The following WNK3 variants were observed in gnomAD, a reference collection of about 807,000 sequenced individuals.
WNK3 encodes WNK lysine deficient protein kinase 3, also known as serine/threonine-protein kinase WNK3.
A neutral mutation model predicts 116.7 loss-of-function variants in WNK3; 18 were observed. The ratio of observed to expected loss-of-function variants is 0.15; its 90% confidence interval spans 0.11 to 0.23. WNK3 has a LOEUF of 0.23. WNK3 is among the 10% of genes least tolerant of loss of function. The pLI, the probability that WNK3 is intolerant of heterozygous loss-of-function variation, is 1.00. For missense variants in WNK3, 993 were observed against 1,323.8 expected (o/e 0.75, Z 3.88); for synonymous variants, 404 against 469.4 (o/e 0.86, Z 1.80).
At chrX:54,327,523 T>C (rs2069119906) in intron 2 of WNK3, among the ~76,000 whole-genome samples, 1 of 111,715 alleles carries the variant, frequency 9.0e-6, no homozygotes, top group South Asian at 3.7e-4. Flanking sequence ...TGTTGAGCTA[T>C]AAATTTCAAA....
At chrX:54,215,630 G>A (rs1557145009) in intron 22 of WNK3, among the ~76,000 whole-genome samples, 2 of 111,229 alleles carry the variant, frequency 1.8e-5, no homozygotes, top group African/African-American at 3.3e-5. Flanking sequence ...GAAGTGAGGA[G>A]CGCCTCTTCC....
intron 17 of WNK3, among the ~76,000 whole-genome samples, chrX:54,247,360 T>C (rs2068083841): frequency 9.0e-6 from 1 of 111,086 alleles, no homozygotes; most frequent in East Asian, 2.8e-4. Flanking sequence ...TTAAATTATA[T>C]GTATCAGTGG....
chrX:54,210,185 G>C (rs2067597775), intron 22 of WNK3, among the ~76,000 whole-genome samples: 1 of 111,937 alleles, frequency 8.9e-6, no homozygotes, highest in Admixed American at 9.6e-5. Context: ...TCCTGTGAGA[G>C]GCAATAAGGT....
intron 22 of WNK3, among the ~76,000 whole-genome samples, chrX:54,204,407 T>C (rs2495787): frequency 0.027 from 2,998 of 111,850 alleles, 108 homozygotes; most frequent in African/African-American, 0.094. Flanking sequence ...TGTGAGCCAC[T>C]GCACCCAGCC....
intron 22 of WNK3, among the ~76,000 whole-genome samples, chrX:54,226,670 C>T (rs903288000): frequency 2.0e-4 from 21 of 107,583 alleles, no homozygotes; most frequent in African/African-American, 6.8e-4. Context: ...GGTGAAACCC[C>T]GTCTCTACTA....
At chrX:54,205,161 G>A (rs1220202105) in intron 22 of WNK3, among the ~76,000 whole-genome samples, 1 of 110,450 alleles carries the variant, frequency 9.1e-6, no homozygotes, top group Non-Finnish European at 1.9e-5. Context: ...GCTGCAGTGA[G>A]CCGAGATCAC....
chrX:54,220,313 G>T (rs1259931504), intron 22 of WNK3, among the ~76,000 whole-genome samples: 1 of 110,975 alleles, frequency 9.0e-6, no homozygotes, highest in Non-Finnish European at 1.9e-5. Flanking sequence ...CAGCACTTTG[G>T]GAGGCTGATG....
chrX:54,305,079 A>C (rs781993769), intron 5 of WNK3, among the ~76,000 whole-genome samples: 9 of 110,634 alleles, frequency 8.1e-5, no homozygotes, highest in Admixed American at 3.9e-4. Flanking sequence ...TGAACCCAGG[A>C]GGCAGAGGTT....
At chrX:54,284,103 C>T (rs1183550772) in intron 10 of WNK3, among the ~76,000 whole-genome samples, 3 of 110,748 alleles carry the variant, frequency 2.7e-5, no homozygotes, top group African/African-American at 9.8e-5. Flanking sequence ...ATTACAAAAA[C>T]GAATGGGCAA....
intron 22 of WNK3, among the ~76,000 whole-genome samples, chrX:54,207,810 C>T (rs918406728): frequency 5.4e-5 from 6 of 110,758 alleles, no homozygotes; most frequent in Non-Finnish European, 1.1e-4. Context: ...CACTGCACAC[C>T]TGGCCAGCCC....
intron 11 of WNK3, among the ~76,000 whole-genome samples, chrX:54,258,873 A>G (rs782314740): frequency 9.1e-6 from 1 of 110,442 alleles, no homozygotes; most frequent in South Asian, 3.8e-4. Context: ...AAAGAACAAT[A>G]AAGACTATCC....
At chrX:54,314,177 A>G in intron 2 of WNK3, among the ~76,000 whole-genome samples, 1 of 96,663 alleles carries the variant, frequency 1.0e-5, no homozygotes, top group African/African-American at 3.9e-5. Context: ...TGGGCGACAG[A>G]GTGAGACTCT....
At chrX:54,198,781 T>C (rs1273167242) in intron 23 of WNK3, 128 bp from the exon 24 acceptor site, 2 of 530,555 alleles carry the variant, frequency 3.8e-6, no homozygotes, top group Non-Finnish European at 5.7e-6. Flanking sequence ...CTAGTCTTTT[T>C]GGCATACTAT....
chrX:54,275,629 T>G (rs2068438248), intron 10 of WNK3, among the ~76,000 whole-genome samples: 1 of 109,288 alleles, frequency 9.2e-6, no homozygotes, highest in African/African-American at 3.3e-5. Flanking sequence ...AAGAGAAGCA[T>G]AAGAAGGAGA....
At chrX:54,234,294 C>T (rs782639517) in intron 20 of WNK3, among the ~76,000 whole-genome samples, 15 of 109,731 alleles carry the variant, frequency 1.4e-4, no homozygotes, top group African/African-American at 4.3e-4. Flanking sequence ...ATGGCTTGAG[C>T]CCAGGAGGTA....
Position 54,239,056 on chromosome X carries a change from T to A in WNK3, c.3695A>T (p.Tyr1232Phe). Residue 1232 changes from tyrosine (Y) to phenylalanine (F), a missense_variant, in exon 18 of 24, where the codon TAT becomes TTT. By Grantham distance (22) the Tyr-to-Phe change is conservative. Around this residue, in one of 4 missense-constraint regions of WNK3, gnomAD observed 836 missense variants for 976.5 expected, o/e 0.86. Coordinates refer to ENST00000354646, the Ensembl canonical transcript of WNK3. ...TCCACCGCTTGACACAGCAGCAGGA[T>A]AGGCCTCTGGATCCCCTGGAAGTGA... 1 of 1,201,368 alleles carries A rather than the reference T, an allele frequency of 8.3e-7. No individual in the cohort carries two copies. Among genetic ancestry groups the A allele is most frequent in the African/African-American group, 1.8e-5 (1 of 57,122 alleles).
intron 11 of WNK3, among the ~76,000 whole-genome samples, chrX:54,257,892 T>C (rs1443439110): frequency 9.5e-6 from 1 of 105,023 alleles, no homozygotes; most frequent in African/African-American, 3.5e-5. Flanking sequence ...TCCTTTGTCA[T>C]ACCAAAAACT....
chrX:54,210,313 C>A (rs994598731), intron 22 of WNK3, among the ~76,000 whole-genome samples: 3 of 111,897 alleles, frequency 2.7e-5, no homozygotes, highest in East Asian at 2.8e-4. Context: ...AAGACATGAC[C>A]ATTTTTATAT....
At chrX:54,194,515 T>A (rs1177840468) in exon 24 of WNK3, 5 of 111,806 alleles carry the variant, frequency 4.5e-5, no homozygotes, top group African/African-American at 1.6e-4. Context: ...TTCTTACCAT[T>A]TGTTTATTTT....
Sources: allele counts gnomAD v4.1 joint callset (sites outside exome capture counted in the v4.1 genomes callset), GRCh38; gene constraint gnomAD v4.1.1; regional missense constraint gnomAD v4.1.1; transcripts MANE v1.5; gene names NCBI Gene and HGNC (gene_info 2026-07-23, HGNC 2026-07-21).